Variants in GLIS3 observed in about 807,000 individuals in gnomAD.
GLIS3 encodes the protein GLIS family zinc finger 3, also known as zinc finger protein GLIS3.
Under a neutral mutation model 78.6 loss-of-function variants are expected in GLIS3, and 53 were observed. The ratio of observed to expected loss-of-function variants is 0.67; its 90% CI spans 0.54 to 0.85. The LOEUF (loss-of-function observed/expected upper bound fraction) is 0.85. Among genes scored for constraint, GLIS3 ranks in the 40% least tolerant of loss-of-function variants. The pLI, the probability that GLIS3 is intolerant of heterozygous loss-of-function variation, is 0.00. For synonymous variants in GLIS3, 684 were observed against 509.9 expected (o/e 1.34, Z -4.60); for missense variants, 1,703 against 1,231.1 (o/e 1.38, Z -5.74).
intron 2 of GLIS3, among the ~76,000 whole-genome samples, chr9:4,213,725 G>C (rs760255591): frequency 4.6e-5 from 7 of 152,088 alleles, no homozygotes; most frequent in Non-Finnish European, 8.8e-5. Context: ...ATAGAAACTT[G>C]ATAAATATTT....
At chr9:4,369,610 C>T in the GLIS3 span, among the ~76,000 whole-genome samples, 5 of 152,106 alleles carry the variant, frequency 3.3e-5, no homozygotes. Flanking sequence ...GCTGTAGGCC[C>T]TTGTGCAAGC....
intron 2 of GLIS3, among the ~76,000 whole-genome samples, chr9:4,255,937 G>A (rs923474064): frequency 2.0e-5 from 3 of 152,148 alleles, no homozygotes; most frequent in Non-Finnish European, 4.4e-5. Context: ...TGATAATGGC[G>A]AATGCTATGT....
At chr9:4,444,507 C>T in the GLIS3 span, among the ~76,000 whole-genome samples, 3 of 151,534 alleles carry the variant, frequency 2.0e-5, no homozygotes, top group Admixed American at 6.6e-5. Context: ...TTAAGCCAGA[C>T]TTCTGTAATT....
intron 4 of GLIS3, among the ~76,000 whole-genome samples, chr9:4,082,932 T>C (rs1207936903): frequency 6.6e-6 from 1 of 152,220 alleles, no homozygotes; most frequent in Middle Eastern, 3.2e-3. Flanking sequence ...AGTTATGTTT[T>C]GGGGCTCAAT....
chr9:4,304,104 G>T (rs1817164987), upstream of GLIS3, among the ~76,000 whole-genome samples: 1 of 152,238 alleles, frequency 6.6e-6, no homozygotes, highest in African/African-American at 2.4e-5. Flanking sequence ...ATGAGAGAAT[G>T]AAAGAATGGT....
intron 2 of GLIS3, among the ~76,000 whole-genome samples, chr9:4,146,071 C>T (rs1428671951): frequency 1.3e-5 from 2 of 152,128 alleles, no homozygotes; most frequent in African/African-American, 2.4e-5. Context: ...GAGATAGGTA[C>T]TTTGTTCTAA....
intron 5 of GLIS3, among the ~76,000 whole-genome samples, chr9:3,934,006 G>A (rs1330541911): frequency 2.6e-5 from 4 of 152,190 alleles, no homozygotes; most frequent in African/African-American, 9.7e-5. Flanking sequence ...ATGCTTCCGG[G>A]ATGTGCTGGG....
the GLIS3 span, among the ~76,000 whole-genome samples, chr9:4,483,703 C>A: frequency 1.4e-5 from 2 of 145,646 alleles, no homozygotes; most frequent in African/African-American, 5.2e-5. Context: ...CTGGGCAACA[C>A]GAGTGAGACT....
At chr9:4,367,002 G>C in the GLIS3 span, among the ~76,000 whole-genome samples, 76 of 152,338 alleles carry the variant, frequency 5.0e-4, no homozygotes, top group African/African-American at 1.6e-3. Context: ...TGAAGGATGA[G>C]GATGCTTCCT....
the GLIS3 span, among the ~76,000 whole-genome samples, chr9:4,430,819 AC>A: frequency 6.6e-6 from 1 of 152,192 alleles, no homozygotes; most frequent in African/African-American, 2.4e-5. Context: ...ACATTGAGTC[AC>A]TTCCAGCATG....
At chr9:4,479,058 T>A in the GLIS3 span, among the ~76,000 whole-genome samples, 31,661 of 152,170 alleles carry the variant, frequency 0.21, 3,449 homozygotes, top group Admixed American at 0.24. Flanking sequence ...TTTATTTTTT[T>A]AAATATATAT....
rs142973064 is a variant in GLIS3, at chr9:4,089,416, A to G, written c.1710+28352T>C. 1.1e-4 allele frequency among the ~76,000 whole-genome samples: 16 copies of G among 152,330 alleles called. No individual in the cohort carries two copies. The East Asian group carries it at 1.2e-3, about 11-fold the overall frequency. On this transcript the variant is annotated intron_variant, in intron 4 of 10. Transcript: ENST00000381971. ...TGTGTATGTTAATAAAAAACTGTGT[A>G]TTTACATACACGACCTTACAAATTC...
chr9:4,465,606 G>C, the GLIS3 span, among the ~76,000 whole-genome samples: 3 of 152,282 alleles, frequency 2.0e-5, no homozygotes, highest in African/African-American at 7.2e-5. Context: ...GGATTTATTT[G>C]TAAATCCAAG....
the GLIS3 span, among the ~76,000 whole-genome samples, chr9:4,427,865 A>G: frequency 1.3e-5 from 2 of 151,970 alleles, no homozygotes; most frequent in Non-Finnish European, 2.9e-5. Flanking sequence ...TTAAAAAAAA[A>G]GAAGAAGAAC....
At chr9:4,221,052 TAG>T in intron 2 of GLIS3, among the ~76,000 whole-genome samples, 1 of 152,238 alleles carries the variant, frequency 6.6e-6, no homozygotes, top group Non-Finnish European at 1.5e-5. Context: ...AAGGGAAAAA[TAG>T]AGGATATCTT....
At chr9:3,829,986 A>T (rs1817954062) in intron 9 of GLIS3, among the ~76,000 whole-genome samples, 1 of 152,160 alleles carries the variant, frequency 6.6e-6, no homozygotes, top group African/African-American at 2.4e-5. Context: ...GCACATTTAG[A>T]TCTTATTATC....
chr9:4,014,628 A>G (rs1043352708), intron 4 of GLIS3, among the ~76,000 whole-genome samples: 10 of 152,230 alleles, frequency 6.6e-5, no homozygotes, highest in African/African-American at 1.2e-4. Flanking sequence ...AGAGCCATCA[A>G]TGTAAGCATG....
At chr9:4,174,070 T>C (rs1564150648) in intron 2 of GLIS3, among the ~76,000 whole-genome samples, 1 of 152,190 alleles carries the variant, frequency 6.6e-6, no homozygotes, top group Non-Finnish European at 1.5e-5. Flanking sequence ...TTTAGGAAAG[T>C]CTAGTTAAGT....
intron 2 of GLIS3, among the ~76,000 whole-genome samples, chr9:4,277,992 A>G (rs999184938): frequency 6.6e-6 from 1 of 152,212 alleles, no homozygotes; most frequent in Non-Finnish European, 1.5e-5. Context: ...ATAGGAACAC[A>G]TTCACCTCCG....
Sources: gnomAD v4.1 joint callset for allele counts (sites outside exome capture counted in the v4.1 genomes callset) on GRCh38, gnomAD v4.1.1 for gene constraint, MANE v1.5 for transcripts, NCBI Gene and HGNC (gene_info 2026-07-23, HGNC 2026-07-21) for gene names.